Variants in TLCD4 observed in about 807,000 individuals in gnomAD.
The protein encoded by TLCD4 is TLC domain containing 4, also known as TLC domain-containing protein 4.
Under a neutral mutation model 24.2 loss-of-function variants are expected in TLCD4, and 7 were observed. That is an observed-to-expected ratio of 0.29 (90% CI 0.16 to 0.54). The LOEUF (loss-of-function observed/expected upper bound fraction) is 0.54, where lower values mean the gene tolerates loss of function less well. Ranked by LOEUF, TLCD4 falls within the 20% of genes least tolerant of loss-of-function variation. The pLI is 0.95. For missense variants in TLCD4, 259 were observed against 313.9 expected (o/e 0.82, Z 1.32); for synonymous variants, 103 against 106.4 (o/e 0.97, Z 0.20).
chr1:95,135,758 C>G (rs1410101664), intron 1 of TLCD4, among the ~76,000 whole-genome samples: 1 of 151,984 alleles, frequency 6.6e-6, no homozygotes, highest in East Asian at 1.9e-4. Context: ...GTTTTTGAGA[C>G]AGGGTCTCAT....
upstream of TLCD4, among the ~76,000 whole-genome samples, chr1:95,113,424 G>T (rs1676376665): frequency 6.6e-6 from 1 of 152,036 alleles, no homozygotes; most frequent in Admixed American, 6.6e-5. Context: ...TGTGGTGGTG[G>T]GTAAAAGAGC....
chr1:95,122,484 C>G (rs1015747029), intron 1 of TLCD4, among the ~76,000 whole-genome samples: 2 of 152,192 alleles, frequency 1.3e-5, no homozygotes, highest in Admixed American at 1.3e-4. Context: ...TTGACCTGAC[C>G]CTGCCTTATC....
chr1:95,149,895 T>A (rs1677445968), intron 3 of TLCD4, among the ~76,000 whole-genome samples: 1 of 152,216 alleles, frequency 6.6e-6, no homozygotes, highest in South Asian at 2.1e-4. Context: ...CAACTTGTGC[T>A]AAATCTTTCT....
At chr1:95,145,725 G>C (rs554531794) in intron 2 of TLCD4, among the ~76,000 whole-genome samples, 12 of 152,210 alleles carry the variant, frequency 7.9e-5, no homozygotes, top group African/African-American at 2.9e-4. Context: ...ATGTTAGGTA[G>C]CTGCAAGTCA....
intron 5 of TLCD4, chr1:95,163,502 C>T (rs1677902319): frequency 6.6e-6 from 1 of 152,236 alleles, no homozygotes; most frequent in South Asian, 2.1e-4. Context: ...CTTCTTCTCT[C>T]AACTTGTCAA....
intron 5 of TLCD4, among the ~76,000 whole-genome samples, chr1:95,168,177 A>G (rs1678086086): frequency 6.6e-6 from 1 of 152,204 alleles, no homozygotes. Flanking sequence ...TTCATTATAG[A>G]TTTCTTGGAA....
At chr1:95,158,560 C>T (rs1413152105) in intron 5 of TLCD4, among the ~76,000 whole-genome samples, 1 of 151,658 alleles carries the variant, frequency 6.6e-6, no homozygotes, top group Non-Finnish European at 1.5e-5. Flanking sequence ...GCACAACATG[C>T]AGGTTTGTTA....
chr1:95,139,450 CTTTGATTTTTTT>C (rs1467774597), intron 1 of TLCD4, among the ~76,000 whole-genome samples: 11 of 105,836 alleles, frequency 1.0e-4, no homozygotes, highest in African/African-American at 2.9e-4. Flanking sequence ...TTATTTAAAC[CTTTGATTTTTTT>C]TTTTTTTTTT....
At chr1:95,105,894 T>TA in the TLCD4 span, among the ~76,000 whole-genome samples, 1,433 of 115,358 alleles carry the variant, frequency 0.012, 31 homozygotes, top group African/African-American at 0.035. Context: ...GACTCCGTCT[T>TA]AAAAAAAAAA....
chr1:95,147,748 A>AT (rs1245930905), intron 2 of TLCD4, among the ~76,000 whole-genome samples: 1 of 148,972 alleles, frequency 6.7e-6, no homozygotes, highest in Non-Finnish European at 1.5e-5. Context: ...TGTACCTCTC[A>AT]TTTTTTATCC....
chr1:95,126,073 C>T (rs1676725584), intron 1 of TLCD4, among the ~76,000 whole-genome samples: 1 of 150,828 alleles, frequency 6.6e-6, no homozygotes, highest in Non-Finnish European at 1.5e-5. Flanking sequence ...AGGAGGATCA[C>T]TTGTGTTCAG....
At chr1:95,115,088 T>TTATATATATATACATATA (rs138716819), upstream of TLCD4, among the ~76,000 whole-genome samples, 38 of 143,848 alleles carry the variant, frequency 2.6e-4, no homozygotes, top group Non-Finnish European at 4.7e-4. Flanking sequence ...TATATACACA[T>TTATATATATATACATATA]TATATATATA....
rs369626242 is a variant in TLCD4, at chr1:95,151,346, A to G, written c.326A>G (p.Tyr109Cys). 1.9e-6 allele frequency: 3 copies of G among 1,613,158 alleles called. No individual in the cohort carries two copies. Among genetic ancestry groups the G allele is most frequent in the Non-Finnish European group, 2.5e-6 (3 of 1,179,398 alleles). ...LISDLSIIIL[Y>C]WKVIGDKFFI... ...ACAGATTTGTCCATTATAATTTTGTATTGGAAAGTGATTGGTGACAAATTT... is the reference window on the plus strand; with the variant it reads ...ACAGATTTGTCCATTATAATTTTGTGTTGGAAAGTGATTGGTGACAAATTT... Residue 109 changes from tyrosine to cysteine, a missense_variant, in exon 5 of 7, where the codon TAT becomes TGT. Tyr to Cys is a radical substitution (Grantham distance 194). Transcript: ENST00000370203.
At chr1:95,137,983 C>T (rs1484954360) in intron 1 of TLCD4, among the ~76,000 whole-genome samples, 1 of 152,052 alleles carries the variant, frequency 6.6e-6, no homozygotes, top group East Asian at 1.9e-4. Context: ...AGCAGTCCTC[C>T]TACCTGGGCC....
At chr1:95,096,178 T>A in the TLCD4 span, among the ~76,000 whole-genome samples, 1 of 152,186 alleles carries the variant, frequency 6.6e-6, no homozygotes, top group Non-Finnish European at 1.5e-5. Flanking sequence ...AAATTTTAAG[T>A]AGAGGAGTGA....
At chr1:95,153,496 C>T (rs867600032) in intron 5 of TLCD4, among the ~76,000 whole-genome samples, 7 of 152,184 alleles carry the variant, frequency 4.6e-5, no homozygotes, top group Middle Eastern at 3.4e-3. Flanking sequence ...TTAGGTTCAA[C>T]GATGCATAAG....
chr1:95,135,554 C>T (rs1467401950), intron 1 of TLCD4, among the ~76,000 whole-genome samples: 2 of 151,878 alleles, frequency 1.3e-5, no homozygotes, highest in Non-Finnish European at 2.9e-5. Flanking sequence ...CATACCACCA[C>T]GCCCGGCTAA....
Position 95,193,494 on chromosome 1 carries a change from A to G in TLCD4, c.*1626A>G, listed in dbSNP as rs1192628961. On this transcript the variant is annotated 3_prime_UTR_variant, in exon 7 of 7. Coordinates refer to ENST00000370203, the MANE Select transcript of TLCD4 (RefSeq NM_152487.3). Reference sequence around the variant, plus strand: ...TGAATACTTGAAATTAATTGAACTCATACCAAAAGATGTAATCCAGTTTCT... The same window carrying G: ...TGAATACTTGAAATTAATTGAACTCGTACCAAAAGATGTAATCCAGTTTCT... 3 of 152,144 alleles carry G rather than the reference A, an allele frequency of 2.0e-5. No individual in the cohort carries two copies. Among genetic ancestry groups the G allele is most frequent in the Non-Finnish European group, 2.9e-5 (2 of 67,962 alleles). The allele number at this position is 152,144 out of a possible 1,614,324, so 9.4% of individuals were successfully genotyped here.
intron 1 of TLCD4, among the ~76,000 whole-genome samples, chr1:95,119,529 A>G (rs1345130636): frequency 6.6e-6 from 1 of 152,198 alleles, no homozygotes; most frequent in Non-Finnish European, 1.5e-5. Context: ...GAAATGGGAA[A>G]GGGGCTGGGT....
Sources: allele counts gnomAD v4.1 joint callset (sites outside exome capture counted in the v4.1 genomes callset), GRCh38; gene constraint gnomAD v4.1.1; transcripts MANE v1.5; gene names NCBI Gene and HGNC (gene_info 2026-07-23, HGNC 2026-07-21).